The following STPG2 variants were observed in gnomAD, a reference collection of about 807,000 sequenced individuals.
The protein encoded by STPG2 is sperm tail PG-rich repeat containing 2.
In STPG2, 56 loss-of-function variants were observed where a neutral mutation model predicts 54.2. The ratio of observed to expected loss-of-function variants is 1.03; its 90% CI spans 0.83 to 1.29. The LOEUF (loss-of-function observed/expected upper bound fraction) is 1.29, where lower values mean the gene tolerates loss of function less well. Ranked by LOEUF, STPG2 falls within the 50% of genes most tolerant of loss-of-function variation. The pLI, the probability that STPG2 is intolerant of heterozygous loss-of-function variation, is 0.00. For synonymous variants in STPG2, 200 were observed against 181.8 expected (o/e 1.10, Z -0.81); for missense variants, 596 against 544.9 (o/e 1.09, Z -0.93).
chr4:97,800,973 C>A (rs1280577209), intron 9 of STPG2, among the ~76,000 whole-genome samples: 2 of 152,334 alleles, frequency 1.3e-5, no homozygotes, highest in East Asian at 3.9e-4. Flanking sequence ...GCATGGGACC[C>A]TCCTAGCCAG....
At chr4:97,934,916 G>A (rs1316111052) in intron 8 of STPG2, among the ~76,000 whole-genome samples, 1 of 152,144 alleles carries the variant, frequency 6.6e-6, no homozygotes, top group Non-Finnish European at 1.5e-5. Context: ...GTTTGGAATT[G>A]TTTTAGAAGA....
chr4:97,499,029 C>T (rs1384014293), intron 4 of STPG2, among the ~76,000 whole-genome samples: 2 of 151,972 alleles, frequency 1.3e-5, no homozygotes, highest in Non-Finnish European at 2.9e-5. Context: ...CTCATCAATA[C>T]TCTGTAGTTT....
chr4:97,520,629 A>C (rs6814669), intron 4 of STPG2, among the ~76,000 whole-genome samples: 2,199 of 152,176 alleles, frequency 0.014, 55 homozygotes, highest in African/African-American at 0.05. Flanking sequence ...AATATTAAAG[A>C]ATGCTACCCA....
chr4:97,813,090 A>G (rs543736225), intron 9 of STPG2, among the ~76,000 whole-genome samples: 17 of 152,080 alleles, frequency 1.1e-4, no homozygotes, highest in African/African-American at 3.6e-4. Flanking sequence ...TTTCACCACT[A>G]CTGCTTTTTT....
intron 4 of STPG2, among the ~76,000 whole-genome samples, chr4:97,460,937 G>T (rs894074571): frequency 1.3e-5 from 2 of 152,184 alleles, no homozygotes. Flanking sequence ...CCATGTGGTT[G>T]CATATAACAT....
At chr4:97,581,041 T>G (rs774620528) in intron 10 of STPG2, among the ~76,000 whole-genome samples, 1 of 152,100 alleles carries the variant, frequency 6.6e-6, no homozygotes, top group Admixed American at 6.6e-5. Flanking sequence ...ATGATTGTAA[T>G]GATGGTTAAT....
intron 10 of STPG2, among the ~76,000 whole-genome samples, chr4:97,571,536 C>T (rs1732601171): frequency 6.6e-6 from 1 of 152,146 alleles, no homozygotes; most frequent in African/African-American, 2.4e-5. Flanking sequence ...CTCTCCACCA[C>T]CTCTTATAGC....
At chr4:97,879,469 A>G (rs1005824986) in intron 8 of STPG2, among the ~76,000 whole-genome samples, 1 of 152,144 alleles carries the variant, frequency 6.6e-6, no homozygotes, top group Non-Finnish European at 1.5e-5. Flanking sequence ...CATGTCTTAC[A>G]TGGCAGCAGA....
At chr4:97,872,271 C>T (rs79064917) in intron 8 of STPG2, among the ~76,000 whole-genome samples, 1 of 151,070 alleles carries the variant, frequency 6.6e-6, no homozygotes, top group African/African-American at 2.4e-5. Flanking sequence ...TAATATTGTA[C>T]TGAAAGTATT....
intron 8 of STPG2, chr4:97,916,622 C>T (rs1731887602): frequency 2.0e-5 from 3 of 153,018 alleles, no homozygotes; most frequent in Admixed American, 6.5e-5. Flanking sequence ...AATCCCACCA[C>T]TGCAATCCTG....
intron 4 of STPG2, among the ~76,000 whole-genome samples, chr4:97,492,288 T>C (rs1730519095): frequency 6.6e-6 from 1 of 151,498 alleles, no homozygotes; most frequent in Admixed American, 6.6e-5. Flanking sequence ...CAAATCTTTC[T>C]AAAATTCAAT....
At chr4:97,935,798 T>A (rs1345019027) in intron 8 of STPG2, among the ~76,000 whole-genome samples, 1 of 152,134 alleles carries the variant, frequency 6.6e-6, no homozygotes, top group Non-Finnish European at 1.5e-5. Context: ...TTACTTCCAA[T>A]TATGTGATCG....
intron 5 of STPG2, among the ~76,000 whole-genome samples, chr4:98,083,632 A>G (rs1578840268): frequency 6.6e-6 from 1 of 152,206 alleles, no homozygotes; most frequent in African/African-American, 2.4e-5. Flanking sequence ...GGGATACCAC[A>G]GTGAACAAAA....
chr4:97,870,579 T>G (rs1018298078), intron 8 of STPG2, among the ~76,000 whole-genome samples: 1 of 151,402 alleles, frequency 6.6e-6, no homozygotes, highest in East Asian at 1.9e-4. Context: ...TTAATTGTAA[T>G]GAAGAACATT....
At chr4:97,778,678 C>G (rs1334688658) in intron 9 of STPG2, among the ~76,000 whole-genome samples, 1 of 152,144 alleles carries the variant, frequency 6.6e-6, no homozygotes, top group African/African-American at 2.4e-5. Flanking sequence ...TGGGAGGCAC[C>G]CCCAGTAGGC....
At chr4:97,921,435 T>C (rs1732103311) in intron 8 of STPG2, among the ~76,000 whole-genome samples, 1 of 151,374 alleles carries the variant, frequency 6.6e-6, no homozygotes, top group Admixed American at 6.6e-5. Context: ...GGAAACAAAA[T>C]TAGAAGTTCA....
intron 10 of STPG2, among the ~76,000 whole-genome samples, chr4:97,635,270 C>G (rs1056577067): frequency 6.6e-6 from 1 of 152,194 alleles, no homozygotes; most frequent in Admixed American, 6.5e-5. Flanking sequence ...AAATAAAATA[C>G]TTTACAGAGA....
At chr4:98,016,078 G>A (rs1735936506) in intron 5 of STPG2, among the ~76,000 whole-genome samples, 2 of 152,096 alleles carry the variant, frequency 1.3e-5, no homozygotes, top group South Asian at 2.1e-4. Flanking sequence ...GCTAGGGGAG[G>A]GATAGCATTA....
chr4:98,046,683 C>T (rs1737139825), intron 5 of STPG2, among the ~76,000 whole-genome samples: 1 of 152,182 alleles, frequency 6.6e-6, no homozygotes, highest in Non-Finnish European at 1.5e-5. Context: ...CTTTTCTCCT[C>T]AGGGAGAAAC....
Sources: allele counts gnomAD v4.1 joint callset (sites outside exome capture counted in the v4.1 genomes callset), GRCh38; gene constraint gnomAD v4.1.1; transcripts MANE v1.5; gene names NCBI Gene and HGNC (gene_info 2026-07-23, HGNC 2026-07-21).